Variants in ATP6V1C2 observed in about 807,000 individuals in gnomAD.
ATP6V1C2 encodes V-type proton ATPase subunit C 2.
In ATP6V1C2, 45 loss-of-function variants were observed where a neutral mutation model predicts 56.8. That is an observed-to-expected ratio of 0.79 (90% CI 0.62 to 1.02). The LOEUF is 1.02. Ranked by LOEUF, ATP6V1C2 falls within the 50% of genes least tolerant of loss-of-function variation. The pLI, the probability that ATP6V1C2 is intolerant of heterozygous loss-of-function variation, is 0.00. For missense variants in ATP6V1C2, 463 were observed against 519.7 expected (o/e 0.89, Z 1.06); for synonymous variants, 220 against 201.3 (o/e 1.09, Z -0.79).
Position 10,768,788 on chromosome 2 carries a change from G to A in ATP6V1C2, c.448G>A (p.Glu150Lys). The A allele has an allele frequency of 6.2e-7, 1 of 1,613,948 alleles. No individual in the cohort carries two copies. The highest frequency in any genetic ancestry group is 8.5e-7 in the Non-Finnish European group (1 of 1,180,018). The change falls in exon 6 of 14, where the codon GAG becomes AAG. Residue 150 changes from glutamate to lysine, a missense_variant. Transcript: ENST00000272238. ...CTACAACACTCTGAAGACAAACCTG[G>A]AGAACCTGGAAAAGAAATCCATGTG... is the stretch of plus-strand genomic sequence containing the variant. Reference protein sequence around the residue: ...AAYNTLKTNLENLEKKSMGNL... With the variant: ...AAYNTLKTNLKNLEKKSMGNL...
intron 6 of ATP6V1C2, among the ~76,000 whole-genome samples, chr2:10,771,222 C>T (rs1664580604): frequency 6.6e-6 from 1 of 152,242 alleles, no homozygotes; most frequent in Non-Finnish European, 1.5e-5. Context: ...GCCGACGTCA[C>T]GGCCCCTGTG....
In ATP6V1C2 at chr2:10,784,162, G is replaced by A. The variant is rs1299404110; in HGVS notation, c.*899G>A. The A allele has an allele frequency of 8.2e-6, 7 of 854,994 alleles. No homozygotes were observed. Among genetic ancestry groups the A allele is most frequent in the Non-Finnish European group, 1.3e-5 (7 of 543,800 alleles). The allele number at this position is 854,994 out of a possible 1,614,324, so 53.0% of individuals were successfully genotyped here. ...CTACTTCTTGGTTAAAAGGCCACTG[G>A]TAGAGTCATCTGAGTGTAGAGAATG... is the stretch of plus-strand genomic sequence containing the variant. On this transcript the variant is annotated 3_prime_UTR_variant, in exon 14 of 14. Transcript: ENST00000272238.
At chr2:10,754,987 C>T (rs1361138983) in intron 4 of ATP6V1C2, among the ~76,000 whole-genome samples, 1 of 152,052 alleles carries the variant, frequency 6.6e-6, no homozygotes, top group Non-Finnish European at 1.5e-5. Context: ...CCCACCTCAG[C>T]CTCTCGCTCA....
rs563425507 is a variant in ATP6V1C2 at position 10,778,384 on chromosome 2, C to T, written c.964-188C>T. The T allele has an allele frequency of 3.5e-4, 207 of 596,748 alleles. 5 individuals carry two copies. The South Asian group carries it at 3.6e-3, about 10-fold the overall frequency. 37.0% of individuals were successfully genotyped at this position (596,748 alleles called of 1,614,324 possible). ...GGGTGGCTGGCCCGCTGAGCTTCCCCGGCACCAGGTGCCCTGGACCTCGAG... is the reference window on the plus strand; with the variant it reads ...GGGTGGCTGGCCCGCTGAGCTTCCCTGGCACCAGGTGCCCTGGACCTCGAG... On this transcript the variant is annotated intron_variant, in intron 11 of 13. Transcript: ENST00000272238.
intron 6 of ATP6V1C2, among the ~76,000 whole-genome samples, chr2:10,771,433 C>T (rs767531829): frequency 2.8e-4 from 42 of 152,348 alleles, no homozygotes; most frequent in Non-Finnish European, 4.6e-4. Flanking sequence ...GACGGCTCAA[C>T]GCAGCCCTAA....
intron 3 of ATP6V1C2, chr2:10,744,128 G>A (rs947968066): frequency 2.0e-5 from 3 of 152,140 alleles, no homozygotes; most frequent in South Asian, 2.1e-4. Context: ...GCTGCAGCGG[G>A]CCATGTAACG....
intron 4 of ATP6V1C2, among the ~76,000 whole-genome samples, chr2:10,760,171 G>A (rs928064125): frequency 7.9e-5 from 12 of 151,834 alleles, no homozygotes; most frequent in South Asian, 2.1e-4. Flanking sequence ...TCAGGAGTTC[G>A]AGACCAGCCT....
intron 13 of ATP6V1C2, 128 bp from the exon 14 acceptor site, chr2:10,783,046 G>C (rs1665486530): frequency 3.1e-6 from 2 of 649,054 alleles, no homozygotes; most frequent in Admixed American, 5.0e-5. Context: ...GGAGAGGGTT[G>C]GAGGGGTGGA....
chr2:10,739,687 G>T (rs1411000417), intron 3 of ATP6V1C2, among the ~76,000 whole-genome samples: 1 of 152,092 alleles, frequency 6.6e-6, no homozygotes, highest in Non-Finnish European at 1.5e-5. Flanking sequence ...CACTATTAAA[G>T]CCCACTGTAT....
chr2:10,781,092 G>A (rs142750266), intron 12 of ATP6V1C2, among the ~76,000 whole-genome samples: 4 of 152,134 alleles, frequency 2.6e-5, no homozygotes, highest in African/African-American at 4.8e-5. Context: ...TTAGCAGGAC[G>A]GGTGCCACAG....
intron 3 of ATP6V1C2, among the ~76,000 whole-genome samples, chr2:10,734,077 T>C (rs1312012049): frequency 6.6e-6 from 1 of 152,240 alleles, no homozygotes; most frequent in Non-Finnish European, 1.5e-5. Flanking sequence ...AGATGACCTA[T>C]GTGGCATTTC....
rs1558405068 is a variant in ATP6V1C2 at position 10,754,571 on chromosome 2, TC to T, written c.283+506del. On this transcript the variant is annotated intron_variant, in intron 4 of 13. Coordinates refer to ENST00000272238, the MANE Select transcript of ATP6V1C2 (RefSeq NM_001039362.2). ...TCTTTTCTTTTCTTTTCTTTTCTTT[TC>T]TTTTCTTTTCTTTTTTTTTGAGATG... 1.2e-3 allele frequency among the ~76,000 whole-genome samples: 166 copies of T among 143,768 alleles called. 2 individuals carry two copies. Among genetic ancestry groups the T allele is most frequent in the Middle Eastern group, 6.9e-3 (2 of 290 alleles). 94.3% of individuals were successfully genotyped at this position (143,768 alleles called of 152,430 possible). A position where few individuals can be genotyped will look rare whatever the true frequency, so the allele number is the denominator to read the frequency against.
At chr2:10,758,731 C>T (rs918363259) in intron 4 of ATP6V1C2, among the ~76,000 whole-genome samples, 1 of 150,678 alleles carries the variant, frequency 6.6e-6, no homozygotes, top group Non-Finnish European at 1.5e-5. Flanking sequence ...GGTGGGATCT[C>T]GGCACACTGC....
intron 3 of ATP6V1C2, among the ~76,000 whole-genome samples, chr2:10,739,703 A>T (rs539044414): frequency 5.3e-5 from 8 of 152,206 alleles, no homozygotes; most frequent in Non-Finnish European, 1.0e-4. Context: ...TGTATAAGTT[A>T]TCTTTGCCTT....
At chr2:10,778,530 G>A (rs897312763) in intron 11 of ATP6V1C2, 42 bp from the exon 12 acceptor site, 7 of 1,579,250 alleles carry the variant, frequency 4.4e-6, no homozygotes, top group African/African-American at 4.0e-5. Context: ...TGTGTCAGGC[G>A]GGGTGTTCAG....
At chr2:10,766,474 G>A (rs749051987) in intron 5 of ATP6V1C2, among the ~76,000 whole-genome samples, 4 of 152,146 alleles carry the variant, frequency 2.6e-5, no homozygotes, top group Admixed American at 6.5e-5. Context: ...TTACTGGTTC[G>A]AAAGCCCTAG....
chr2:10,774,249 C>T (rs912363498), intron 8 of ATP6V1C2, among the ~76,000 whole-genome samples: 1 of 152,194 alleles, frequency 6.6e-6, no homozygotes, highest in Non-Finnish European at 1.5e-5. Flanking sequence ...TGAGGGCTCC[C>T]ACTTCCAGTC....
chr2:10,741,439 AG>A lies in ATP6V1C2; in HGVS notation c.198-12539del. 2.2e-5 allele frequency among the ~76,000 whole-genome samples: 3 copies of A among 138,886 alleles called. No individual in the cohort carries two copies. The Admixed American group carries it at 2.2e-4, about 10-fold the overall frequency. 91.1% of individuals were successfully genotyped at this position (138,886 alleles called of 152,430 possible). On this transcript the variant is annotated intron_variant, in intron 3 of 13. Coordinates refer to ENST00000272238, the MANE Select transcript of ATP6V1C2 (RefSeq NM_001039362.2). Reference sequence around the variant, plus strand: ...AGTCACCAGGGGAGGCAGGGAACACAGGGTCCCCCTGGAAGCTTCTGGGCCT... The same window carrying A: ...AGTCACCAGGGGAGGCAGGGAACACAGGTCCCCCTGGAAGCTTCTGGGCCT...
chr2:10,783,483 T>C lies in ATP6V1C2; in HGVS notation c.*220T>C. On this transcript the variant is annotated 3_prime_UTR_variant, in exon 14 of 14. Transcript: ENST00000272238. ...CAAATTCAAAACTTCATTTTCTGAA[T>C]GTTTTACATAAATGCGAACTACCTG... 1 of 462,960 alleles carries C rather than the reference T, an allele frequency of 2.2e-6. No individual in the cohort carries two copies. Among genetic ancestry groups the C allele is most frequent in the Non-Finnish European group, 3.9e-6 (1 of 257,060 alleles). The allele number at this position is 462,960 out of a possible 1,614,324, so 28.7% of individuals were successfully genotyped here. A position where few individuals can be genotyped will look rare whatever the true frequency, so the allele number is the denominator to read the frequency against.
Sources: gnomAD v4.1 joint callset for allele counts (sites outside exome capture counted in the v4.1 genomes callset) on GRCh38, gnomAD v4.1.1 for gene constraint, MANE v1.5 for transcripts, NCBI Gene and HGNC (gene_info 2026-07-23, HGNC 2026-07-21) for gene names.